DENND1A: variants seen among roughly 807,000 people sequenced by gnomAD.
DENND1A encodes DENN domain-containing protein 1A.
DENND1A carries 51 observed loss-of-function variants against 113.7 expected under a neutral mutation model. That is an observed-to-expected ratio of 0.45 (90% CI 0.36 to 0.57). DENND1A has a LOEUF of 0.57. Ranked by LOEUF, DENND1A falls within the 20% of genes least tolerant of loss-of-function variation. The pLI, the probability that DENND1A is intolerant of heterozygous loss-of-function variation, is 0.00. For synonymous variants in DENND1A, 565 were observed against 570.8 expected (o/e 0.99, Z 0.14); for missense variants, 1,258 against 1,395.9 (o/e 0.90, Z 1.57).
chr9:123,463,972 G>A (rs1201590220), intron 13 of DENND1A, among the ~76,000 whole-genome samples: 1 of 151,806 alleles, frequency 6.6e-6, no homozygotes, highest in Admixed American at 6.6e-5. Flanking sequence ...TGCCTGCTGG[G>A]CTTCATACCT....
intron 13 of DENND1A, among the ~76,000 whole-genome samples, chr9:123,541,185 A>G (rs1341693404): frequency 1.3e-5 from 2 of 152,174 alleles, no homozygotes; most frequent in East Asian, 3.8e-4. Context: ...GGTCTTGGTA[A>G]ATGTTTGAGC....
chr9:123,760,113 T>C (rs75740983), intron 4 of DENND1A, among the ~76,000 whole-genome samples: 1 of 152,240 alleles, frequency 6.6e-6, no homozygotes, highest in Non-Finnish European at 1.5e-5. Context: ...TCAACTCATA[T>C]TGTATTTTAC....
chr9:123,540,605 T>C (rs530862541), intron 13 of DENND1A, among the ~76,000 whole-genome samples: 1 of 152,322 alleles, frequency 6.6e-6, no homozygotes, highest in South Asian at 2.1e-4. Context: ...GAGACCCTCC[T>C]TTAGGACAGA....
intron 14 of DENND1A, 33 bp from the exon 15 acceptor site, chr9:123,457,468 C>T (rs369225384): frequency 9.7e-6 from 15 of 1,548,886 alleles, no homozygotes; most frequent in South Asian, 3.4e-5. Context: ...CACAACAGCT[C>T]GTACAAAGAA....
intron 2 of DENND1A, among the ~76,000 whole-genome samples, chr9:123,861,839 A>T (rs2133296183): frequency 6.6e-6 from 1 of 152,298 alleles, no homozygotes; most frequent in South Asian, 2.1e-4. Flanking sequence ...GGTTAAACAC[A>T]GTTAGGAGCA....
Position 123,632,054 on chromosome 9 carries a change from G to A in DENND1A, c.619-1578C>T, listed in dbSNP as rs78230376. Among the ~76,000 whole-genome samples the A allele has an allele frequency of 4.3e-3, 660 of 152,224 alleles. 23 individuals carry two copies. The East Asian group carries it at 0.084, about 19-fold the overall frequency. On this transcript the variant is annotated intron_variant, in intron 9 of 23. Coordinates refer to ENST00000394215, the MANE Select transcript of DENND1A (RefSeq NM_001352964.2). ...CCTTTGCTGACAGAAGAACATTTAC[G>A]TGGCGAAAGAGTGACGTGCCAAGGC...
chr9:123,397,019 A>G (rs1293813330), intron 21 of DENND1A, among the ~76,000 whole-genome samples: 4 of 152,198 alleles, frequency 2.6e-5, no homozygotes, highest in Non-Finnish European at 4.4e-5. Context: ...GGCAGTGACA[A>G]TCTCTTGAAG....
At chr9:123,515,012 G>A (rs970829068) in intron 13 of DENND1A, among the ~76,000 whole-genome samples, 1 of 152,172 alleles carries the variant, frequency 6.6e-6, no homozygotes, top group Non-Finnish European at 1.5e-5. Flanking sequence ...ATCACATTGT[G>A]GGGTAGGCTA....
intron 1 of DENND1A, 26 bp downstream of exon 1, chr9:123,929,841 TCGCCGCCCCGCGCCCGGCCCGG>T (rs1245496889): frequency 1.3e-5 from 3 of 229,778 alleles, no homozygotes; most frequent in South Asian, 1.2e-4. Context: ...TGGCCCGGCC[TCGCCGCCCCGCGCCCGGCCCGG>T]CTCCGCCCGG....
chr9:123,564,871 G>A (rs1326560510), intron 12 of DENND1A, among the ~76,000 whole-genome samples: 2 of 151,930 alleles, frequency 1.3e-5, no homozygotes, highest in African/African-American at 2.4e-5. Flanking sequence ...AACTGCTGAG[G>A]CTAGACGAAG....
intron 2 of DENND1A, among the ~76,000 whole-genome samples, chr9:123,867,634 G>A (rs1487385957): frequency 6.6e-6 from 1 of 152,068 alleles, no homozygotes; most frequent in Non-Finnish European, 1.5e-5. Flanking sequence ...CCTTCCTCCA[G>A]TAATAGCACC....
chr9:123,800,522 A>C (rs1834465988), intron 2 of DENND1A, among the ~76,000 whole-genome samples: 1 of 152,218 alleles, frequency 6.6e-6, no homozygotes, highest in African/African-American at 2.4e-5. Flanking sequence ...GCCCCAAAGA[A>C]TCCAACACTG....
chr9:123,500,950 A>C (rs2052426883), intron 13 of DENND1A, among the ~76,000 whole-genome samples: 2 of 152,170 alleles, frequency 1.3e-5, no homozygotes, highest in Non-Finnish European at 2.9e-5. Flanking sequence ...ATATAGCATA[A>C]AATTTACTGC....
chr9:123,900,490 G>T (rs969003402), intron 1 of DENND1A, among the ~76,000 whole-genome samples: 1 of 152,158 alleles, frequency 6.6e-6, no homozygotes, highest in Admixed American at 6.5e-5. Flanking sequence ...GGGGATGCTC[G>T]CTTAAGGGTT....
chr9:123,655,530 C>T (rs760744968), intron 8 of DENND1A, among the ~76,000 whole-genome samples: 2 of 152,112 alleles, frequency 1.3e-5, no homozygotes, highest in East Asian at 1.9e-4. Flanking sequence ...ACACAAAGAC[C>T]GGTAAGTAAC....
intron 12 of DENND1A, among the ~76,000 whole-genome samples, chr9:123,558,329 C>T (rs1002163738): frequency 3.3e-5 from 5 of 152,124 alleles, no homozygotes; most frequent in African/African-American, 1.2e-4. Context: ...AAGCTACTTA[C>T]AAATGTTAGA....
chr9:123,648,263 A>T (rs1310086637), intron 9 of DENND1A, among the ~76,000 whole-genome samples: 1 of 152,176 alleles, frequency 6.6e-6, no homozygotes, highest in East Asian at 1.9e-4. Context: ...CTTTGTAGAG[A>T]CAGGGCTCTC....
chr9:123,515,861 G>A (rs2053847989), intron 13 of DENND1A, among the ~76,000 whole-genome samples: 1 of 151,996 alleles, frequency 6.6e-6, no homozygotes, highest in Admixed American at 6.5e-5. Context: ...GAGCCCAGGA[G>A]TTTGAGGCCA....
chr9:123,845,514 CAA>C (rs1014305553), intron 2 of DENND1A, among the ~76,000 whole-genome samples: 14 of 151,214 alleles, frequency 9.3e-5, no homozygotes, highest in African/African-American at 3.4e-4. Context: ...ACCCACCCCC[CAA>C]AAAATTAAGT....
Sources: gnomAD v4.1 joint callset for allele counts (sites outside exome capture counted in the v4.1 genomes callset) on GRCh38, gnomAD v4.1.1 for gene constraint, MANE v1.5 for transcripts, NCBI Gene and HGNC (gene_info 2026-07-23, HGNC 2026-07-21) for gene names.